The following BBS7 variants were observed in gnomAD, a reference collection of about 807,000 sequenced individuals.
BBS7 encodes Bardet-Biedl syndrome 7.
BBS7 carries 50 observed loss-of-function variants against 90.3 expected under a neutral mutation model. The observed-to-expected ratio is 0.55, with a 90% CI of 0.44 to 0.70. BBS7 has a LOEUF of 0.70. Ranked by LOEUF, BBS7 falls within the 30% of genes least tolerant of loss-of-function variation. BBS7 has a pLI of 0.00. For missense variants in BBS7, 729 were observed against 838.9 expected (o/e 0.87, Z 1.62); for synonymous variants, 235 against 287.4 (o/e 0.82, Z 1.85).
intron 13 of BBS7, among the ~76,000 whole-genome samples, chr4:121,837,269 C>T (rs2149059086): frequency 6.6e-6 from 1 of 152,132 alleles, no homozygotes; most frequent in South Asian, 2.1e-4. Flanking sequence ...GCCCAATCTT[C>T]TCTTCTGTGA....
At chr4:121,833,026 G>A (rs1257915135) in intron 15 of BBS7, among the ~76,000 whole-genome samples, 1 of 151,988 alleles carries the variant, frequency 6.6e-6, no homozygotes, top group African/African-American at 2.4e-5. Flanking sequence ...TTATTGTTGG[G>A]AACTTAGGAA....
At chr4:121,847,295 A>G (rs1726062135) in intron 10 of BBS7, 109 bp downstream of exon 10, 1 of 719,414 alleles carries the variant, frequency 1.4e-6, no homozygotes. Context: ...TAAACTAATT[A>G]ATTACATAAT....
intron 4 of BBS7, among the ~76,000 whole-genome samples, chr4:121,860,398 T>A (rs1726910639): frequency 6.6e-6 from 1 of 152,114 alleles, no homozygotes; most frequent in Admixed American, 6.5e-5. Context: ...ACTTTTGTTT[T>A]CCTATAAAAC....
Position 121,839,715 on chromosome 4 carries a change from G to A in BBS7, c.1306-19C>T. 1 of 1,604,196 alleles carries A rather than the reference G, an allele frequency of 6.2e-7. No homozygotes were observed. The highest frequency in any genetic ancestry group is 8.5e-7 in the Non-Finnish European group (1 of 1,171,380). On this transcript the variant is annotated intron_variant, in intron 12 of 18. Transcript: ENST00000264499. ...CGTTTGACTGGGAAGAATACAAAGT[G>A]GAGGAAAAGAATGAATCCATGTTTT...
chr4:121,848,815 C>T, intron 9 of BBS7, 29 bp downstream of exon 9: 1 of 1,558,684 alleles, frequency 6.4e-7, no homozygotes, highest in Non-Finnish European at 8.8e-7. Flanking sequence ...TTGACTCTTT[C>T]TTCAATTACC....
intron 13 of BBS7, 84 bp from the exon 14 acceptor site, chr4:121,835,367 T>A: frequency 6.6e-7 from 1 of 1,512,346 alleles, no homozygotes; most frequent in Non-Finnish European, 9.1e-7. Flanking sequence ...AGTTATCAAG[T>A]ACTTAAAATT....
intron 13 of BBS7, among the ~76,000 whole-genome samples, chr4:121,839,382 C>A (rs1245225274): frequency 6.6e-6 from 1 of 152,010 alleles, no homozygotes; most frequent in Non-Finnish European, 1.5e-5. Context: ...ACCTGGGCAA[C>A]ATGGCAAAAT....
chr4:121,859,201 T>A (rs752839429), intron 4 of BBS7, 23 bp from the exon 5 acceptor site: 1 of 1,607,722 alleles, frequency 6.2e-7, no homozygotes, highest in South Asian at 1.1e-5. Flanking sequence ...AAATAGTAAT[T>A]TTTAAAAATA....
intron 6 of BBS7, among the ~76,000 whole-genome samples, chr4:121,855,188 G>T (rs1190647090): frequency 6.6e-6 from 1 of 151,842 alleles, no homozygotes; most frequent in Non-Finnish European, 1.5e-5. Context: ...GGTGGTGTGC[G>T]CCTGTAGTAC....
intron 16 of BBS7, 45 bp downstream of exon 16, chr4:121,828,574 A>C (rs769156189): frequency 1.4e-5 from 21 of 1,550,524 alleles, no homozygotes; most frequent in Middle Eastern, 1.7e-4. Context: ...TGTAACAACA[A>C]CACAAAATAA....
Position 121,825,037 on chromosome 4 carries a change from G to A in BBS7, c.*823C>T, listed in dbSNP as rs1457378355. 6.6e-6 allele frequency: 1 copy of A among 152,110 alleles called. No homozygotes were observed. The highest frequency in any genetic ancestry group is 1.5e-5 in the Non-Finnish European group (1 of 68,036). The allele number at this position is 152,110 out of a possible 1,614,324, so 9.4% of individuals were successfully genotyped here. ...ATAAAAAGAGATCTAGAAGATACTA[G>A]TGTAGGAAAATCTAAGATGGCATCA... is the stretch of plus-strand genomic sequence containing the variant. On this transcript the variant is annotated 3_prime_UTR_variant, in exon 19 of 19. Coordinates refer to ENST00000264499, the MANE Select transcript of BBS7 (RefSeq NM_176824.3).
In BBS7 at chr4:121,828,807, TTAGAG is replaced by T. The variant is rs1275425522; in HGVS notation, c.1677-84_1677-80del. 7.6e-5 allele frequency: 65 copies of T among 858,994 alleles called. No homozygotes were observed. The East Asian group carries it at 1.7e-3, about 22-fold the overall frequency. 53.2% of individuals were successfully genotyped at this position (858,994 alleles called of 1,614,324 possible). A position where few individuals can be genotyped will look rare whatever the true frequency, so the allele number is the denominator to read the frequency against. On this transcript the variant is annotated intron_variant, in intron 15 of 18. Transcript: ENST00000264499. ...TACATATATATTTTATGATTAGTAC[TTAGAG>T]TATAGATTTCATTTGACTGTAGATT...
rs1362924776 is a variant in BBS7 at position 121,824,582 on chromosome 4, A to G, written c.*1278T>C. 1.3e-5 allele frequency: 2 copies of G among 152,166 alleles called. No individual in the cohort carries two copies. Among genetic ancestry groups the G allele is most frequent in the African/African-American group, 2.4e-5 (1 of 41,450 alleles). 9.4% of individuals were successfully genotyped at this position (152,166 alleles called of 1,614,324 possible). On this transcript the variant is annotated 3_prime_UTR_variant, in exon 19 of 19. Coordinates refer to ENST00000264499, the MANE Select transcript of BBS7 (RefSeq NM_176824.3). The surrounding 1 kb of genome is among the most constrained non-coding windows in gnomAD (Gnocchi z 4.1). ...TATAATAAATAGCAGTGCATTACAAAATATTCAAATACAGTCATTAATTTT... is the reference window on the plus strand; with the variant it reads ...TATAATAAATAGCAGTGCATTACAAGATATTCAAATACAGTCATTAATTTT...
Position 121,833,250 on chromosome 4 carries a change from G to T in BBS7, c.1657C>A (p.Gln553Lys). 6.2e-7 allele frequency: 1 copy of T among 1,613,876 alleles called. No individual in the cohort carries two copies. The highest frequency in any genetic ancestry group is 8.5e-7 in the Non-Finnish European group (1 of 1,179,820). The change falls in exon 15 of 19, where the codon CAA (glutamine) becomes AAA (lysine). Residue 553 changes from glutamine (Q) to lysine (K), a missense_variant. Gln to Lys is a moderately conservative substitution (Grantham distance 53). Coordinates refer to ENST00000264499, the MANE Select transcript of BBS7 (RefSeq NM_176824.3). ...FYFQNTFLDTQLESTYRKGEG... is the reference protein window; with the variant it reads ...FYFQNTFLDTKLESTYRKGEG... The stretch of plus-strand genomic sequence containing the variant: ...ATTTACCTGTAGGTACTTTCAAGTT[G>T]TGTATCTAGAAAGGTGTTCTGAAAG...
intron 10 of BBS7, among the ~76,000 whole-genome samples, 180 bp downstream of exon 10, chr4:121,847,207 TATATTTCTATCTCCAAA>T (rs1372899985): frequency 6.6e-6 from 1 of 152,156 alleles, no homozygotes; most frequent in Non-Finnish European, 1.5e-5. Context: ...CACAAAAAAG[TATATTTCTATCTCCAAA>T]ATATTAATCA....
At chr4:121,835,429 C>T in intron 13 of BBS7, 146 bp from the exon 14 acceptor site, 1 of 900,066 alleles carries the variant, frequency 1.1e-6, no homozygotes, top group Non-Finnish European at 1.7e-6. Flanking sequence ...TGTCCAGCTT[C>T]TTTCTCCTGT....
At chr4:121,858,821 A>C in intron 5 of BBS7, 171 bp downstream of exon 5, 2 of 668,096 alleles carry the variant, frequency 3.0e-6, no homozygotes, top group Non-Finnish European at 4.9e-6. Context: ...TTACAAAACA[A>C]CACATTTGAC....
Position 121,870,406 on chromosome 4 carries a change from C to T in BBS7, c.-93G>A. ...GGCCTCCGACCCAGTCAGAAGGCTG[C>T]CCGCGCCCCTCAAAAGCCAGCCCCA... On this transcript the variant is annotated 5_prime_UTR_variant, in exon 1 of 19. Transcript: ENST00000264499. 6.8e-7 allele frequency: 1 copy of T among 1,480,368 alleles called. No individual in the cohort carries two copies. Among genetic ancestry groups the T allele is most frequent in the Non-Finnish European group, 9.4e-7 (1 of 1,065,094 alleles). 91.7% of individuals were successfully genotyped at this position (1,480,368 alleles called of 1,614,324 possible).
chr4:121,861,072 T>C (rs1006535132), intron 4 of BBS7, among the ~76,000 whole-genome samples: 1 of 152,136 alleles, frequency 6.6e-6, no homozygotes, highest in Non-Finnish European at 1.5e-5. Context: ...CAGGCAGCCA[T>C]TTAGGGAGCT....
Sources: gnomAD v4.1 joint callset for allele counts (sites outside exome capture counted in the v4.1 genomes callset) on GRCh38, gnomAD v4.1.1 for gene constraint, Gnocchi (gnomAD v3.1) non-coding constraint, MANE v1.5 for transcripts, NCBI Gene and HGNC (gene_info 2026-07-23, HGNC 2026-07-21) for gene names.